KAT2B: variants seen among roughly 807,000 people sequenced by gnomAD.
The protein encoded by KAT2B is histone acetyltransferase KAT2B.
In KAT2B, 36 loss-of-function variants were observed where a neutral mutation model predicts 105.9. The observed-to-expected ratio is 0.34, with a 90% confidence interval of 0.26 to 0.45. KAT2B has a LOEUF of 0.45. KAT2B is among the 20% of genes least tolerant of loss of function. The pLI is 1.00. For synonymous variants in KAT2B, 397 were observed against 377.9 expected (o/e 1.05, Z -0.59); for missense variants, 820 against 1,021.6 (o/e 0.80, Z 2.69).
intron 1 of KAT2B, among the ~76,000 whole-genome samples, chr3:20,053,988 G>A (rs1040998700): frequency 6.6e-6 from 1 of 152,100 alleles, no homozygotes; most frequent in Admixed American, 6.6e-5. Flanking sequence ...AGTAGAGATG[G>A]GGTCTCGCCA....
In KAT2B at chr3:20,140,344, A is replaced by G; in HGVS notation, c.1984A>G (p.Ile662Val). 6.2e-7 allele frequency: 1 copy of G among 1,613,892 alleles called. No individual in the cohort carries two copies. Among genetic ancestry groups the G allele is most frequent in the Non-Finnish European group, 8.5e-7 (1 of 1,179,962 alleles). The change falls in exon 13 of 18, where the codon ATC becomes GTC. Residue 662 changes from isoleucine to valine, a missense_variant. This residue lies in a region of KAT2B where 227 missense variants were observed against 292.9 expected (regional missense o/e 0.77). Coordinates refer to ENST00000263754, the MANE Select transcript of KAT2B (RefSeq NM_003884.5). ...PRIPYTEFSVIIKKQKEIIKK... is the reference protein window; with the variant it reads ...PRIPYTEFSVVIKKQKEIIKK... ...GATCCCGTACACAGAATTTTCTGTC[A>G]TCATTAAAAAGCAGAAGGAGGTAAG...
chr3:20,046,195 A>G (rs1468510139), intron 1 of KAT2B, among the ~76,000 whole-genome samples: 7 of 152,340 alleles, frequency 4.6e-5, no homozygotes, highest in Admixed American at 1.3e-4. Context: ...AGTGGCCACA[A>G]AGCATTTATG....
chr3:20,066,046 C>G (rs936201160), intron 1 of KAT2B, among the ~76,000 whole-genome samples: 5 of 152,130 alleles, frequency 3.3e-5, no homozygotes, highest in Admixed American at 6.6e-5. Flanking sequence ...GGCTAGAAGT[C>G]TGAGATCAAG....
chr3:20,140,260 G>T lies in KAT2B; in HGVS notation c.1900G>T (p.Val634Phe), dbSNP rs1445100149. ...AATTAAAATACCTAAAACCAAATATGTTGGCTATATCAAGGATTATGAAGG... is the reference window on the plus strand; with the variant it reads ...AATTAAAATACCTAAAACCAAATATTTTGGCTATATCAAGGATTATGAAGG... Reference protein sequence around the residue: ...KEIKIPKTKYVGYIKDYEGAT... With the variant: ...KEIKIPKTKYFGYIKDYEGAT... Residue 634 changes from valine (V) to phenylalanine (F), a missense_variant, in exon 13 of 18, where the codon GTT (valine) becomes TTT (phenylalanine). Around this residue, in one of 6 missense-constraint regions of KAT2B, gnomAD observed 227 missense variants for 292.9 expected, o/e 0.77. Coordinates refer to ENST00000263754, the MANE Select transcript of KAT2B (RefSeq NM_003884.5). 2.5e-6 allele frequency: 4 copies of T among 1,611,018 alleles called. No homozygotes were observed. In the Admixed American group the frequency reaches 5.0e-5, roughly 20 times the overall value.
intron 16 of KAT2B, 27 bp from the exon 17 acceptor site, chr3:20,148,376 G>C (rs1289796549): frequency 6.2e-7 from 1 of 1,609,950 alleles, no homozygotes; most frequent in Non-Finnish European, 8.5e-7. Context: ...TTCCATATTA[G>C]ATACCTTACT....
chr3:20,045,010 GTTAT>G (rs559494548), intron 1 of KAT2B, among the ~76,000 whole-genome samples: 15 of 152,050 alleles, frequency 9.9e-5, no homozygotes, highest in Admixed American at 6.6e-4. Flanking sequence ...ATAGGATTGG[GTTAT>G]TTATTTATTT....
chr3:20,054,726 C>T (rs965754667), intron 1 of KAT2B, among the ~76,000 whole-genome samples: 1 of 152,218 alleles, frequency 6.6e-6, no homozygotes, highest in African/African-American at 2.4e-5. Context: ...TCAGCTCTGA[C>T]AAGCTGGTGT....
chr3:20,052,443 C>T lies in KAT2B; in HGVS notation c.303+11663C>T, dbSNP rs145176614. Reference sequence around the variant, plus strand: ...TAAATTTTCCATTAAATTCATATCTCGGGTGGATCATACCTTGCACATAGT... The same window carrying T: ...TAAATTTTCCATTAAATTCATATCTTGGGTGGATCATACCTTGCACATAGT... On this transcript the variant is annotated intron_variant, in intron 1 of 17. Coordinates refer to ENST00000263754, the MANE Select transcript of KAT2B (RefSeq NM_003884.5). Among the ~76,000 whole-genome samples, 22 of 152,142 alleles carry T rather than the reference C, an allele frequency of 1.4e-4. No homozygotes were observed. The East Asian group carries it at 2.5e-3, about 17-fold the overall frequency.
At chr3:20,134,829 C>A (rs111426404) in intron 11 of KAT2B, among the ~76,000 whole-genome samples, 40 of 152,062 alleles carry the variant, frequency 2.6e-4, no homozygotes, top group African/African-American at 8.9e-4. Flanking sequence ...TTTTGAGTAG[C>A]CATATTTAAA....
At chr3:20,106,031 A>G (rs540342701) in intron 5 of KAT2B, among the ~76,000 whole-genome samples, 3 of 152,304 alleles carry the variant, frequency 2.0e-5, no homozygotes, top group Middle Eastern at 3.4e-3. Context: ...CTGGACTTTA[A>G]TTAAGTAACT....
chr3:20,088,452 C>T (rs182583777), intron 2 of KAT2B, among the ~76,000 whole-genome samples: 13 of 152,150 alleles, frequency 8.5e-5, no homozygotes, highest in South Asian at 4.1e-4. Flanking sequence ...CTATCCTGAG[C>T]GTGAAGTGAT....
intron 1 of KAT2B, among the ~76,000 whole-genome samples, chr3:20,069,794 G>A (rs1193439034): frequency 3.3e-5 from 5 of 152,144 alleles, no homozygotes; most frequent in African/African-American, 1.2e-4. Flanking sequence ...CTCCCAAAGT[G>A]CTGGAATAAC....
chr3:20,149,311 A>G (rs1699828200), intron 17 of KAT2B, among the ~76,000 whole-genome samples: 1 of 151,712 alleles, frequency 6.6e-6, no homozygotes, highest in Non-Finnish European at 1.5e-5. Flanking sequence ...AGCTTGGGTA[A>G]TGTAGTGAGA....
rs866337261 is a variant in KAT2B, at chr3:20,081,721, A to G, written c.430+9262A>G. ...GTAAAAGCAGGATTCTTTAATGATC[A>G]AATTCAGGTGGAGGAAAGATTGTAA... is the stretch of plus-strand genomic sequence containing the variant. On this transcript the variant is annotated intron_variant, in intron 2 of 17. Transcript: ENST00000263754. Among the ~76,000 whole-genome samples, 9 of 152,228 alleles carry G rather than the reference A, an allele frequency of 5.9e-5. No homozygotes were observed. The Middle Eastern group carries it at 0.01, about 173-fold the overall frequency.
At chr3:20,138,918 G>A (rs1699650002) in intron 12 of KAT2B, among the ~76,000 whole-genome samples, 1 of 152,088 alleles carries the variant, frequency 6.6e-6, no homozygotes, top group Non-Finnish European at 1.5e-5. Context: ...TTTTGAGACA[G>A]GGTCTTACAC....
At chr3:20,060,440 A>G (rs1338893264) in intron 1 of KAT2B, among the ~76,000 whole-genome samples, 3 of 152,086 alleles carry the variant, frequency 2.0e-5, no homozygotes, top group African/African-American at 7.2e-5. Context: ...TGTCTCTACT[A>G]AAAATACAAA....
intron 11 of KAT2B, among the ~76,000 whole-genome samples, chr3:20,127,812 A>T (rs1699432237): frequency 6.6e-6 from 1 of 152,222 alleles, no homozygotes; most frequent in African/African-American, 2.4e-5. Flanking sequence ...ATCATCAGGC[A>T]TTAGTTAGAT....
intron 1 of KAT2B, among the ~76,000 whole-genome samples, chr3:20,069,931 C>A (rs1698289768): frequency 6.6e-6 from 1 of 152,186 alleles, no homozygotes; most frequent in African/African-American, 2.4e-5. Context: ...ATTCTCATGA[C>A]AATTTCCTTC....
chr3:20,148,117 G>T, intron 15 of KAT2B, 118 bp downstream of exon 15: 1 of 1,370,054 alleles, frequency 7.3e-7, no homozygotes, highest in South Asian at 1.2e-5. Flanking sequence ...GGTGGGTTTT[G>T]AGTTTCCTAA....
Sources: gnomAD v4.1 joint callset for allele counts (sites outside exome capture counted in the v4.1 genomes callset) on GRCh38, gnomAD v4.1.1 for gene constraint, gnomAD v4.1.1 regional missense constraint, MANE v1.5 for transcripts, NCBI Gene and HGNC (gene_info 2026-07-23, HGNC 2026-07-21) for gene names.